Variants in RPIA observed in about 807,000 individuals in gnomAD.
RPIA encodes the protein ribose-5-phosphate isomerase.
RPIA carries 29 observed loss-of-function variants against 37.8 expected under a neutral mutation model. The ratio of observed to expected loss-of-function variants is 0.77; its 90% CI spans 0.57 to 1.05. The LOEUF (loss-of-function observed/expected upper bound fraction) is 1.05. Ranked by LOEUF, RPIA falls within the 50% of genes least tolerant of loss-of-function variation. The pLI, the probability that RPIA is intolerant of heterozygous loss-of-function variation, is 0.00. For missense variants in RPIA, 385 were observed against 413.6 expected, an observed-to-expected ratio of 0.93 and a Z score of 0.60; for synonymous variants, 167 against 157.0, an observed-to-expected ratio of 1.06 and a Z score of -0.48.
Position 88,738,083 on chromosome 2 carries a change from T to A in RPIA, c.838+7T>A. ...GCTATCAAAATGATCCCAGGTAACA[T>A]GAGTGGTGTTCACCAGTCATATACA... On this transcript the variant is annotated splice_region_variant and intron_variant, in intron 8 of 8. Transcript: ENST00000283646. 1 of 1,604,048 alleles carries A rather than the reference T, an allele frequency of 6.2e-7. No homozygotes were observed. The highest frequency in any genetic ancestry group is 1.1e-5 in the South Asian group (1 of 90,868).
intron 3 of RPIA, among the ~76,000 whole-genome samples, chr2:88,720,348 G>T (rs1673104924): frequency 6.6e-6 from 1 of 152,016 alleles, no homozygotes; most frequent in South Asian, 2.1e-4. Context: ...CAAAAGGAAA[G>T]ACCTTCTGCA....
chr2:88,737,334 C>T (rs1313833609), intron 7 of RPIA, among the ~76,000 whole-genome samples: 3 of 152,126 alleles, frequency 2.0e-5, no homozygotes, highest in Non-Finnish European at 4.4e-5. Context: ...TGTCACCCTA[C>T]CCTGATACAT....
intron 3 of RPIA, among the ~76,000 whole-genome samples, chr2:88,715,140 C>T (rs1236818447): frequency 1.3e-5 from 2 of 152,150 alleles, no homozygotes; most frequent in East Asian, 3.8e-4. Context: ...ATCAAGGAGA[C>T]AAGAGGAATC....
At chr2:88,713,017 C>T (rs1004723541) in intron 3 of RPIA, among the ~76,000 whole-genome samples, 6 of 150,300 alleles carry the variant, frequency 4.0e-5, no homozygotes, top group South Asian at 2.1e-4. Context: ...TACAGGTGCC[C>T]GCCACCACGC....
intron 3 of RPIA, among the ~76,000 whole-genome samples, chr2:88,710,505 T>C (rs973623059): frequency 5.3e-5 from 8 of 152,320 alleles, no homozygotes; most frequent in African/African-American, 1.9e-4. Flanking sequence ...TTACTTCTTT[T>C]AGAAGCTTTT....
chr2:88,726,720 C>T (rs1673201300), intron 3 of RPIA, among the ~76,000 whole-genome samples: 1 of 152,094 alleles, frequency 6.6e-6, no homozygotes. Context: ...TTAAAACGTC[C>T]TTATCAGTTA....
intron 3 of RPIA, among the ~76,000 whole-genome samples, chr2:88,710,032 G>T (rs1233997239): frequency 2.6e-5 from 4 of 152,094 alleles, no homozygotes; most frequent in Non-Finnish European, 5.9e-5. Flanking sequence ...AGGAACATCT[G>T]ATCTGGGCAA....
At chr2:88,696,866 C>A (rs1672754699) in intron 1 of RPIA, among the ~76,000 whole-genome samples, 1 of 152,094 alleles carries the variant, frequency 6.6e-6, no homozygotes, top group African/African-American at 2.4e-5. Context: ...AGGGTGGAGC[C>A]CTCTGACCTA....
At chr2:88,727,735 C>T (rs13431832) in intron 3 of RPIA, among the ~76,000 whole-genome samples, 9 of 152,148 alleles carry the variant, frequency 5.9e-5, no homozygotes, top group Admixed American at 2.6e-4. Flanking sequence ...TTGTTTTTAA[C>T]GGCTGCATAG....
chr2:88,729,144 C>A (rs560400903), intron 3 of RPIA, 134 bp from the exon 4 acceptor site: 2 of 889,572 alleles, frequency 2.2e-6, no homozygotes, highest in Non-Finnish European at 3.6e-6. Flanking sequence ...GATCTCCTAC[C>A]TCATGGTGGG....
chr2:88,717,361 T>C (rs1451619595), intron 3 of RPIA, among the ~76,000 whole-genome samples: 2 of 152,138 alleles, frequency 1.3e-5, no homozygotes, highest in African/African-American at 4.8e-5. Flanking sequence ...TTATACCTTT[T>C]AGGGAGACAT....
intron 1 of RPIA, 130 bp downstream of exon 1, chr2:88,692,113 T>G (rs374479946): frequency 5.1e-6 from 6 of 1,184,280 alleles, no homozygotes; most frequent in South Asian, 1.5e-5. Flanking sequence ...GGGTAGAGGG[T>G]GTGCACTTTA....
At chr2:88,732,589 G>A (rs1673257928) in intron 4 of RPIA, among the ~76,000 whole-genome samples, 1 of 6,116 alleles carries the variant, frequency 1.6e-4, no homozygotes, top group South Asian at 3.0e-3. Context: ...GGGGTCGGGG[G>A]AGGGGGGAGG....
At chr2:88,737,233 A>T (rs890137945) in intron 7 of RPIA, among the ~76,000 whole-genome samples, 1 of 152,218 alleles carries the variant, frequency 6.6e-6, no homozygotes, top group African/African-American at 2.4e-5. Context: ...TTTTATACTT[A>T]AGTAAACAAA....
intron 8 of RPIA, among the ~76,000 whole-genome samples, chr2:88,742,909 T>C (rs1673400169): frequency 1.3e-5 from 2 of 152,324 alleles, no homozygotes; most frequent in South Asian, 2.1e-4. Context: ...CCTGAAACTT[T>C]ACGGAATTCA....
chr2:88,699,608 C>T (rs1193372750), intron 2 of RPIA, among the ~76,000 whole-genome samples: 1 of 152,100 alleles, frequency 6.6e-6, no homozygotes, highest in East Asian at 1.9e-4. Flanking sequence ...CCAGCTGTGT[C>T]CCTTATTAGC....
chr2:88,722,794 A>G (rs1032563075), intron 3 of RPIA, among the ~76,000 whole-genome samples: 2 of 152,232 alleles, frequency 1.3e-5, no homozygotes, highest in African/African-American at 4.8e-5. Context: ...CAAAGAAAAC[A>G]GAACACCCCA....
chr2:88,715,136 G>A (rs1480608195), intron 3 of RPIA, among the ~76,000 whole-genome samples: 2 of 152,246 alleles, frequency 1.3e-5, no homozygotes, highest in African/African-American at 4.8e-5. Flanking sequence ...ACCAATCAAG[G>A]AGACAAGAGG....
intron 8 of RPIA, among the ~76,000 whole-genome samples, chr2:88,747,501 G>T (rs186157722): frequency 6.6e-6 from 1 of 152,138 alleles, no homozygotes; most frequent in African/African-American, 2.4e-5. Flanking sequence ...AAATTATTAC[G>T]AAGTTCAGCT....
Sources: gnomAD v4.1 joint callset for allele counts (sites outside exome capture counted in the v4.1 genomes callset) on GRCh38, gnomAD v4.1.1 for gene constraint, MANE v1.5 for transcripts, NCBI Gene and HGNC (gene_info 2026-07-23, HGNC 2026-07-21) for gene names.